The following CCSER1 variants were observed in gnomAD, a reference collection of about 807,000 sequenced individuals.
CCSER1 encodes the protein serine-rich coiled-coil domain-containing protein 1.
CCSER1 carries 41 observed loss-of-function variants against 82.0 expected under a neutral mutation model. That is an observed-to-expected ratio of 0.50 (90% CI 0.39 to 0.65). The LOEUF (loss-of-function observed/expected upper bound fraction) is 0.65, where lower values mean the gene tolerates loss of function less well. Ranked by LOEUF, CCSER1 falls within the 30% of genes least tolerant of loss-of-function variation. The pLI is 0.00. For missense variants in CCSER1, 1,119 were observed against 1,064.2 expected, an observed-to-expected ratio of 1.05 and a Z score of -0.72; for synonymous variants, 414 against 383.9, an observed-to-expected ratio of 1.08 and a Z score of -0.92.
chr4:91,321,234 C>CTT (rs1268241723), intron 10 of CCSER1, among the ~76,000 whole-genome samples: 3 of 152,058 alleles, frequency 2.0e-5, no homozygotes, highest in African/African-American at 4.8e-5. Flanking sequence ...CAACTTAACA[C>CTT]TTTCTCTTAG....
At chr4:90,405,768 A>C (rs1233572573) in intron 4 of CCSER1, among the ~76,000 whole-genome samples, 1 of 152,324 alleles carries the variant, frequency 6.6e-6, no homozygotes, top group East Asian at 1.9e-4. Context: ...ACTAAGCTTC[A>C]TAAATGAAGG....
At chr4:91,281,350 C>T (rs1205089242) in intron 10 of CCSER1, among the ~76,000 whole-genome samples, 2 of 152,118 alleles carry the variant, frequency 1.3e-5, no homozygotes, top group Non-Finnish European at 2.9e-5. Flanking sequence ...TGAAGCCCCT[C>T]CCTGATGGAA....
intron 10 of CCSER1, among the ~76,000 whole-genome samples, chr4:91,433,423 C>T (rs1423824656): frequency 6.6e-6 from 1 of 152,206 alleles, no homozygotes; most frequent in Non-Finnish European, 1.5e-5. Context: ...CCTTCACCGT[C>T]ACTCAGCACT....
At chr4:91,432,799 C>A (rs528028098) in intron 10 of CCSER1, among the ~76,000 whole-genome samples, 1 of 151,834 alleles carries the variant, frequency 6.6e-6, no homozygotes, top group Admixed American at 6.6e-5. Flanking sequence ...CTATATTTCC[C>A]GTTTTAAAAA....
intron 10 of CCSER1, among the ~76,000 whole-genome samples, chr4:91,267,874 G>A (rs541639371): frequency 6.6e-6 from 1 of 152,264 alleles, no homozygotes; most frequent in South Asian, 2.1e-4. Flanking sequence ...AGAGGAATTT[G>A]TGTTTTTCTT....
chr4:90,468,220 G>GT lies in CCSER1; in HGVS notation c.1604-7dup. On this transcript the variant is annotated splice_polypyrimidine_tract_variant and intron_variant, in intron 4 of 10. Transcript: ENST00000509176. Reference sequence around the variant, plus strand: ...TAATTTTGACATTTACAATTCCTCGGTTTTTTTGAACAGTTTGCCGGGAGG... The same window carrying GT: ...TAATTTTGACATTTACAATTCCTCGGTTTTTTTTGAACAGTTTGCCGGGAGG... 6.3e-7 allele frequency: 1 copy of GT among 1,579,196 alleles called. No homozygotes were observed. The highest frequency in any genetic ancestry group is 1.2e-5 in the South Asian group (1 of 81,944).
intron 3 of CCSER1, among the ~76,000 whole-genome samples, chr4:90,339,074 A>T (rs1740914590): frequency 6.6e-6 from 1 of 152,188 alleles, no homozygotes; most frequent in Admixed American, 6.5e-5. Context: ...TATAGCGTTT[A>T]CAAGATGATT....
intron 9 of CCSER1, among the ~76,000 whole-genome samples, chr4:91,002,180 A>G (rs1206831252): frequency 1.3e-5 from 2 of 152,150 alleles, no homozygotes; most frequent in East Asian, 3.9e-4. Context: ...CTCAGCTCTC[A>G]ATATTCTTTC....
intron 1 of CCSER1, among the ~76,000 whole-genome samples, chr4:90,263,946 C>G (rs1040847440): frequency 1.3e-5 from 2 of 152,162 alleles, no homozygotes; most frequent in Non-Finnish European, 2.9e-5. Context: ...TGACTTGTCC[C>G]CATCAAGGAA....
At chr4:90,897,430 GC>G (rs1723880839) in intron 8 of CCSER1, among the ~76,000 whole-genome samples, 1 of 151,964 alleles carries the variant, frequency 6.6e-6, no homozygotes, top group African/African-American at 2.4e-5. Context: ...TAGGATAATG[GC>G]CTCCAGCTCT....
chr4:91,384,075 T>A (rs967551457), intron 10 of CCSER1, among the ~76,000 whole-genome samples: 4 of 152,272 alleles, frequency 2.6e-5, no homozygotes, highest in Admixed American at 2.0e-4. Context: ...AAGTGAATTT[T>A]TTTTGTGAAT....
At chr4:91,400,233 T>C (rs2149358793) in intron 10 of CCSER1, among the ~76,000 whole-genome samples, 1 of 152,112 alleles carries the variant, frequency 6.6e-6, no homozygotes. Flanking sequence ...AATGCATCTA[T>C]CAGCTTTTCC....
chr4:90,598,792 G>A (rs1783682318), intron 5 of CCSER1, among the ~76,000 whole-genome samples: 1 of 152,122 alleles, frequency 6.6e-6, no homozygotes, highest in Non-Finnish European at 1.5e-5. Flanking sequence ...CTAGGTTCAA[G>A]TAGTCAGGGG....
intron 10 of CCSER1, among the ~76,000 whole-genome samples, chr4:91,279,243 G>A (rs906822361): frequency 6.6e-6 from 1 of 151,980 alleles, no homozygotes; most frequent in African/African-American, 2.4e-5. Context: ...AATGTCTTGG[G>A]AAGGCCTTTT....
At chr4:90,464,315 G>A (rs1277091669) in intron 4 of CCSER1, among the ~76,000 whole-genome samples, 3 of 152,148 alleles carry the variant, frequency 2.0e-5, no homozygotes, top group Non-Finnish European at 4.4e-5. Flanking sequence ...TTTAGGATAA[G>A]CAATTTTTGT....
chr4:90,737,785 C>A (rs1745903184), intron 7 of CCSER1, among the ~76,000 whole-genome samples: 1 of 151,878 alleles, frequency 6.6e-6, no homozygotes, highest in Admixed American at 6.6e-5. Flanking sequence ...GTGCTTCATT[C>A]TTTTTACTTT....
intron 10 of CCSER1, among the ~76,000 whole-genome samples, chr4:91,594,404 TATATACAC>T (rs1764442113): frequency 8.4e-6 from 1 of 119,562 alleles, no homozygotes. Flanking sequence ...TATATACACA[TATATACAC>T]ATATATATAC....
At chr4:90,878,936 A>AT (rs1720785166) in intron 8 of CCSER1, among the ~76,000 whole-genome samples, 1 of 152,120 alleles carries the variant, frequency 6.6e-6, no homozygotes, top group South Asian at 2.1e-4. Context: ...TATTATTGGC[A>AT]TTTTTTTGAA....
intron 10 of CCSER1, among the ~76,000 whole-genome samples, chr4:91,262,084 A>G (rs570473921): frequency 6.6e-6 from 1 of 152,124 alleles, no homozygotes; most frequent in African/African-American, 2.4e-5. Context: ...GTAATAAATA[A>G]TATATAAAAA....
Sources: allele counts gnomAD v4.1 joint callset (sites outside exome capture counted in the v4.1 genomes callset), GRCh38; gene constraint gnomAD v4.1.1; transcripts MANE v1.5; gene names NCBI Gene and HGNC (gene_info 2026-07-23, HGNC 2026-07-21).